MED13: variants seen among roughly 807,000 people sequenced by gnomAD.
The protein encoded by MED13 is mediator of RNA polymerase II transcription subunit 13.
In MED13, 23 loss-of-function variants were observed where a neutral mutation model predicts 225.2. The ratio of observed to expected loss-of-function variants is 0.10; its 90% CI spans 0.07 to 0.14. The LOEUF (loss-of-function observed/expected upper bound fraction) is 0.14, where lower values mean the gene tolerates loss of function less well. Ranked by LOEUF, MED13 falls within the 10% of genes least tolerant of loss-of-function variation. The pLI, the probability that MED13 is intolerant of heterozygous loss-of-function variation, is 1.00. For missense variants in MED13, 2,197 were observed against 2,594.5 expected (o/e 0.85, Z 3.33); for synonymous variants, 942 against 889.2 (o/e 1.06, Z -1.06).
intron 2 of MED13, among the ~76,000 whole-genome samples, chr17:62,062,485 A>G (rs1249672044): frequency 4.6e-5 from 7 of 152,160 alleles, no homozygotes; most frequent in Non-Finnish European, 7.4e-5. Context: ...ACAGAACAGT[A>G]TATGAGTCAC....
At chr17:62,028,863 A>G (rs548507460) in intron 8 of MED13, among the ~76,000 whole-genome samples, 224 of 152,208 alleles carry the variant, frequency 1.5e-3, no homozygotes, top group African/African-American at 5.2e-3. Context: ...AAAAATAAAA[A>G]AAGATTACTG....
intron 17 of MED13, among the ~76,000 whole-genome samples, chr17:61,970,755 G>A (rs1388553639): frequency 3.3e-5 from 4 of 119,592 alleles, no homozygotes; most frequent in South Asian, 2.9e-4. Context: ...TGAAATACAC[G>A]TCTGGGTGCT....
In MED13 at chr17:62,011,168, T is replaced by A; in HGVS notation, c.1349A>T (p.Gln450Leu). 6.2e-7 allele frequency: 1 copy of A among 1,614,218 alleles called. No homozygotes were observed. Among genetic ancestry groups the A allele is most frequent in the Non-Finnish European group, 8.5e-7 (1 of 1,180,044 alleles). Residue 450 changes from glutamine to leucine, a missense_variant, in exon 9 of 30, where the codon CAA becomes CTA. Gln to Leu is a moderately radical substitution (Grantham distance 113). Transcript: ENST00000397786. ...GGTCTTGTGCTTAGGAAGTATTTGT[T>A]GTTGCTGACCTAAAGATGGTGCCTG... is the stretch of plus-strand genomic sequence containing the variant. The part of the protein sequence containing the change: ...QGQAPSLGQQ[Q>L]QILPKHKTNE...
chr17:61,946,886 T>C (rs758611440), intron 29 of MED13, 31 bp downstream of exon 29: 2 of 1,536,352 alleles, frequency 1.3e-6, no homozygotes, highest in Non-Finnish European at 1.8e-6. Flanking sequence ...AAAGTTGCAG[T>C]GACAAACTGT....
At chr17:61,997,169 C>T (rs1180949347) in intron 9 of MED13, among the ~76,000 whole-genome samples, 1 of 152,162 alleles carries the variant, frequency 6.6e-6, no homozygotes, top group Admixed American at 6.5e-5. Context: ...TAATGCCTAA[C>T]ACTAGTAGCA....
chr17:61,950,790 G>C (rs760452495), intron 28 of MED13, 35 bp downstream of exon 28: 7 of 1,582,868 alleles, frequency 4.4e-6, no homozygotes, highest in Middle Eastern at 1.7e-4. Flanking sequence ...CTGTCAATCA[G>C]AATTATTTAG....
intron 28 of MED13, among the ~76,000 whole-genome samples, chr17:61,948,606 C>T (rs1168518046): frequency 6.6e-6 from 1 of 151,686 alleles, no homozygotes; most frequent in Non-Finnish European, 1.5e-5. Context: ...CCAAAGAATC[C>T]TTTGTTTTGT....
rs1476541013 is a variant in MED13 at position 61,942,995 on chromosome 17, G to T, written c.*3473C>A. On this transcript the variant is annotated 3_prime_UTR_variant, in exon 30 of 30. Coordinates refer to ENST00000397786, the MANE Select transcript of MED13 (RefSeq NM_005121.3). Reference sequence around the variant, plus strand: ...AACTTCATGAATACATCAACCTGAGGAGTATTTTAGGTCCCAAATCCAGTT... The same window carrying T: ...AACTTCATGAATACATCAACCTGAGTAGTATTTTAGGTCCCAAATCCAGTT... 1 of 152,256 alleles carries T rather than the reference G, an allele frequency of 6.6e-6. No homozygotes were observed. Among genetic ancestry groups the T allele is most frequent in the Non-Finnish European group, 1.5e-5 (1 of 67,944 alleles). 9.4% of individuals were successfully genotyped at this position (152,256 alleles called of 1,614,324 possible). A position where few individuals can be genotyped will look rare whatever the true frequency, so the allele number is the denominator to read the frequency against.
chr17:61,968,292 TAAAAAC>T, intron 17 of MED13, 34 bp from the exon 18 acceptor site: 1 of 1,415,700 alleles, frequency 7.1e-7, no homozygotes, highest in Non-Finnish European at 9.7e-7. Flanking sequence ...AGAAAACACT[TAAAAAC>T]AAGACATGTC....
At position 61,983,110 on chromosome 17, in the gene MED13, C is replaced by T; in HGVS notation, c.2893G>A (p.Gly965Arg). 2 of 1,594,004 alleles carry T rather than the reference C, an allele frequency of 1.3e-6. No homozygotes were observed. Among genetic ancestry groups the T allele is most frequent in the Non-Finnish European group, 1.7e-6 (2 of 1,167,964 alleles). Residue 965 changes from glycine to arginine, a missense_variant, in exon 16 of 30, where the codon GGA (glycine) becomes AGA (arginine). By Grantham distance (125) the Gly-to-Arg change is moderately radical. Coordinates refer to ENST00000397786, the MANE Select transcript of MED13 (RefSeq NM_005121.3). The stretch of plus-strand genomic sequence containing the variant: ...CCATATTCTTGATCCATATTACTTC[C>T]ATCACTATCATCACCAGGGTAAAAG... The part of the protein sequence containing the change: ...PSMPFIKEGD[G>R]SNMDQEYGTA...
chr17:62,030,225 G>A, intron 6 of MED13: 1 of 438,268 alleles, frequency 2.3e-6, no homozygotes, highest in Non-Finnish European at 3.9e-6. Context: ...ACCACTCTCA[G>A]TACCAAGAGT....
chr17:61,992,752 A>C, intron 10 of MED13, 131 bp from the exon 11 acceptor site: 1 of 549,752 alleles, frequency 1.8e-6, no homozygotes, highest in Non-Finnish European at 3.2e-6. Context: ...TTCTTACAGT[A>C]ACAAGTAAGT....
rs539790574 is a variant in MED13 at position 62,051,196 on chromosome 17, T to G, written c.470+1341A>C. On this transcript the variant is annotated intron_variant, in intron 3 of 29. Transcript: ENST00000397786. Reference sequence around the variant, plus strand: ...TTCTCTTAGTATGGCCAAAGATATGTCAACTAAAGTTTCCAGAAAATAATT... The same window carrying G: ...TTCTCTTAGTATGGCCAAAGATATGGCAACTAAAGTTTCCAGAAAATAATT... Among the ~76,000 whole-genome samples, 10 of 152,304 alleles carry G rather than the reference T, an allele frequency of 6.6e-5. No individual in the cohort carries two copies. The South Asian group carries it at 2.1e-3, about 32-fold the overall frequency.
rs1603410973 is a variant in MED13, at chr17:62,063,313, A to C, written c.67-12T>G. 5 of 1,585,268 alleles carry C rather than the reference A, an allele frequency of 3.2e-6. No individual in the cohort carries two copies. In the South Asian group the frequency reaches 3.3e-5, roughly 11 times the overall value. On this transcript the variant is annotated splice_polypyrimidine_tract_variant and intron_variant, in intron 1 of 29. Coordinates refer to ENST00000397786, the MANE Select transcript of MED13 (RefSeq NM_005121.3). Reference sequence around the variant, plus strand: ...CCTGTCAAGTCAGCCTGAAGGAAAGAAAGCATTAAGTTTTATTACTGCATA... The same window carrying C: ...CCTGTCAAGTCAGCCTGAAGGAAAGCAAGCATTAAGTTTTATTACTGCATA...
intron 26 of MED13, among the ~76,000 whole-genome samples, chr17:61,954,820 C>T (rs1029051066): frequency 6.6e-6 from 1 of 152,120 alleles, no homozygotes; most frequent in Non-Finnish European, 1.5e-5. Flanking sequence ...GGATAATTCA[C>T]AGCACCAGTT....
At chr17:61,999,179 C>T (rs1242769115) in intron 9 of MED13, among the ~76,000 whole-genome samples, 1 of 152,072 alleles carries the variant, frequency 6.6e-6, no homozygotes, top group Non-Finnish European at 1.5e-5. Context: ...TATATACATA[C>T]AAATCTGGTA....
rs1362125651 is a variant in MED13 at position 62,033,897 on chromosome 17, T to C, written c.704A>G (p.Glu235Gly). ...SDSATKKLIGEWKQFYPISCC... is the reference protein window; with the variant it reads ...SDSATKKLIGGWKQFYPISCC... Reference sequence around the variant, plus strand: ...TGAGATAGGATAGAACTGTTTCCATTCACCAATTAATTTTTTTGTAGCTGA... The same window carrying C: ...TGAGATAGGATAGAACTGTTTCCATCCACCAATTAATTTTTTTGTAGCTGA... The change falls in exon 5 of 30, where the codon GAA (glutamate) becomes GGA (glycine). Residue 235 changes from glutamate (E) to glycine (G), a missense_variant. Glu to Gly is a moderately conservative substitution (Grantham distance 98, BLOSUM62 -2). Transcript: ENST00000397786. The C allele has an allele frequency of 3.7e-6, 6 of 1,614,102 alleles. No individual in the cohort carries two copies. The highest frequency in any genetic ancestry group is 5.1e-6 in the Non-Finnish European group (6 of 1,180,018).
intron 3 of MED13, among the ~76,000 whole-genome samples, chr17:62,036,228 TTATTA>T (rs1462841639): frequency 6.6e-6 from 1 of 152,072 alleles, no homozygotes; most frequent in Non-Finnish European, 1.5e-5. Flanking sequence ...TTTTCTCACT[TTATTA>T]ATTAATTGGA....
chr17:62,041,233 T>C (rs914514294), intron 3 of MED13, among the ~76,000 whole-genome samples: 1 of 152,138 alleles, frequency 6.6e-6, no homozygotes, highest in African/African-American at 2.4e-5. Context: ...ACATGCTTCA[T>C]AAATGAATCT....
Sources: allele counts gnomAD v4.1 joint callset (sites outside exome capture counted in the v4.1 genomes callset), GRCh38; gene constraint gnomAD v4.1.1; transcripts MANE v1.5; gene names NCBI Gene and HGNC (gene_info 2026-07-23, HGNC 2026-07-21).